CDYL: variants seen among roughly 807,000 people sequenced by gnomAD.
The protein encoded by CDYL is chromodomain Y like.
In CDYL, 8 loss-of-function variants were observed where a neutral mutation model predicts 47.3. The ratio of observed to expected loss-of-function variants is 0.17; its 90% confidence interval spans 0.10 to 0.31. The LOEUF is 0.31. Among genes scored for constraint, CDYL ranks in the 10% least tolerant of loss-of-function variants. The pLI is 1.00. For missense variants in CDYL, 471 were observed against 701.4 expected (o/e 0.67, Z 3.71); for synonymous variants, 266 against 265.0 (o/e 1.00, Z -0.04).
At chr6:4,758,957 G>C (rs986923437) in intron 3 of CDYL, among the ~76,000 whole-genome samples, 3 of 146,540 alleles carry the variant, frequency 2.0e-5, no homozygotes, top group Non-Finnish European at 1.5e-5. Flanking sequence ...CAATCACCCA[G>C]TTTTCTTTTT....
chr6:4,747,172 T>TG (rs943313841), intron 3 of CDYL, among the ~76,000 whole-genome samples: 2 of 151,968 alleles, frequency 1.3e-5, no homozygotes, highest in African/African-American at 2.4e-5. Flanking sequence ...CCAAGAGTGG[T>TG]GGCGGGCACC....
intron 1 of CDYL, among the ~76,000 whole-genome samples, chr6:4,858,723 G>A (rs767487556): frequency 8.5e-5 from 13 of 152,240 alleles, no homozygotes; most frequent in Non-Finnish European, 1.6e-4. Context: ...GGTGGAGAGT[G>A]TAGACTTGAA....
chr6:4,803,976 G>A (rs892516293), intron 1 of CDYL, among the ~76,000 whole-genome samples: 5 of 138,844 alleles, frequency 3.6e-5, no homozygotes, highest in Non-Finnish European at 6.1e-5. Context: ...ATGGCGTAGC[G>A]TGCTTTTTTT....
At chr6:4,720,888 G>A (rs1209109639) in intron 2 of CDYL, among the ~76,000 whole-genome samples, 1 of 152,144 alleles carries the variant, frequency 6.6e-6, no homozygotes, top group Non-Finnish European at 1.5e-5. Context: ...TATGATAGCT[G>A]TTAATATTAT....
upstream of CDYL, among the ~76,000 whole-genome samples, chr6:4,776,089 G>A (rs1438936005): frequency 6.6e-6 from 1 of 150,446 alleles, no homozygotes; most frequent in African/African-American, 2.4e-5. Context: ...AGGCGGGCTG[G>A]GGGGCGGTGC....
At chr6:4,950,793 G>A (rs372213402) in intron 5 of CDYL, among the ~76,000 whole-genome samples, 72 of 152,190 alleles carry the variant, frequency 4.7e-4, no homozygotes, top group African/African-American at 1.5e-3. Context: ...TTAGCCGGGC[G>A]TGGTGGCGGG....
chr6:4,882,038 T>C (rs1235300793), intron 1 of CDYL, among the ~76,000 whole-genome samples: 3 of 152,232 alleles, frequency 2.0e-5, no homozygotes, highest in African/African-American at 4.8e-5. Context: ...GTTCTGCTCC[T>C]GTGACATCGT....
intron 2 of CDYL, among the ~76,000 whole-genome samples, chr6:4,905,260 C>T (rs1757195745): frequency 2.0e-5 from 3 of 152,150 alleles, no homozygotes. Flanking sequence ...ATGTTAAACC[C>T]ACTCAGGAAT....
chr6:4,876,093 C>G (rs1047676147), intron 1 of CDYL, among the ~76,000 whole-genome samples: 1 of 152,210 alleles, frequency 6.6e-6, no homozygotes, highest in Non-Finnish European at 1.5e-5. Context: ...CCAGAAAGTT[C>G]ATTCATGTCC....
chr6:4,799,690 C>G (rs538156540), intron 1 of CDYL, among the ~76,000 whole-genome samples: 2 of 152,132 alleles, frequency 1.3e-5, no homozygotes, highest in African/African-American at 2.4e-5. Flanking sequence ...CTGCCTTGCT[C>G]GGCTCCCAAA....
At chr6:4,820,828 C>G (rs1759813258) in intron 1 of CDYL, among the ~76,000 whole-genome samples, 1 of 152,178 alleles carries the variant, frequency 6.6e-6, no homozygotes, top group African/African-American at 2.4e-5. Flanking sequence ...ATAGTGGACA[C>G]TAAGGCAGAG....
At chr6:4,828,038 C>G (rs145401614) in intron 1 of CDYL, among the ~76,000 whole-genome samples, 48 of 152,242 alleles carry the variant, frequency 3.2e-4, no homozygotes, top group African/African-American at 1.1e-3. Flanking sequence ...TATATTTGCT[C>G]ATGTATTTAC....
At chr6:4,785,458 C>G (rs149460141) in intron 1 of CDYL, among the ~76,000 whole-genome samples, 3 of 152,252 alleles carry the variant, frequency 2.0e-5, no homozygotes, top group East Asian at 3.9e-4. Context: ...TGTTAAAACC[C>G]AACAATGTTG....
At chr6:4,764,000 A>G (rs906281556) in intron 3 of CDYL, among the ~76,000 whole-genome samples, 2 of 152,180 alleles carry the variant, frequency 1.3e-5, no homozygotes, top group African/African-American at 4.8e-5. Context: ...GAACAAATCA[A>G]TGAAGGAAAG....
chr6:4,787,147 C>A (rs1345001025), intron 1 of CDYL, among the ~76,000 whole-genome samples: 1 of 152,212 alleles, frequency 6.6e-6, no homozygotes, highest in South Asian at 2.1e-4. Flanking sequence ...ATTCTTAGTC[C>A]TCTAACTTCT....
chr6:4,844,421 T>A (rs1011986441), intron 1 of CDYL, among the ~76,000 whole-genome samples: 1 of 152,174 alleles, frequency 6.6e-6, no homozygotes, highest in Non-Finnish European at 1.5e-5. Context: ...GCAGCAGCAA[T>A]CTGCTTCCTT....
chr6:4,814,800 G>A (rs1759625124), intron 1 of CDYL, among the ~76,000 whole-genome samples: 1 of 152,190 alleles, frequency 6.6e-6, no homozygotes. Flanking sequence ...TGGAATTACA[G>A]GTGGGAGCCA....
chr6:4,862,521 A>G (rs1402869893), intron 1 of CDYL, among the ~76,000 whole-genome samples: 2 of 152,194 alleles, frequency 1.3e-5, no homozygotes, highest in African/African-American at 2.4e-5. Context: ...AGTATTCCCT[A>G]AAAGTAACCT....
chr6:4,726,361 C>G (rs1482037245), intron 2 of CDYL, among the ~76,000 whole-genome samples: 1 of 151,960 alleles, frequency 6.6e-6, no homozygotes, highest in Non-Finnish European at 1.5e-5. Flanking sequence ...ATGGTGAAAC[C>G]CTGTCTGTAC....
Sources: allele counts gnomAD v4.1 joint callset (sites outside exome capture counted in the v4.1 genomes callset), GRCh38; gene constraint gnomAD v4.1.1; transcripts MANE v1.5; gene names NCBI Gene and HGNC (gene_info 2026-07-23, HGNC 2026-07-21).